Variants in FAM163A observed in about 807,000 individuals in gnomAD.
FAM163A encodes family with sequence similarity 163 member A.
Under a neutral mutation model 12.0 loss-of-function variants are expected in FAM163A, and 7 were observed. The ratio of observed to expected loss-of-function variants is 0.58; its 90% CI spans 0.33 to 1.10. The LOEUF (loss-of-function observed/expected upper bound fraction) is 1.10, where lower values mean the gene tolerates loss of function less well. Ranked by LOEUF, FAM163A falls within the 50% of genes least tolerant of loss-of-function variation. FAM163A has a pLI of 0.03. For missense variants in FAM163A, 202 were observed against 218.6 expected (o/e 0.92, Z 0.48); for synonymous variants, 101 against 91.0 (o/e 1.11, Z -0.62).
chr1:179,760,856 G>A (rs571636212), intron 1 of FAM163A, among the ~76,000 whole-genome samples: 6 of 152,226 alleles, frequency 3.9e-5, no homozygotes, highest in East Asian at 1.9e-4. Context: ...AAGGACCCCC[G>A]CAATCTGGCT....
intron 1 of FAM163A, among the ~76,000 whole-genome samples, chr1:179,744,178 G>A (rs75210102): frequency 0.021 from 3,235 of 152,284 alleles, 119 homozygotes; most frequent in African/African-American, 0.074. Context: ...GGACAGCGGG[G>A]GTAGGACGGA....
intron 1 of FAM163A, among the ~76,000 whole-genome samples, chr1:179,747,517 G>A (rs1478032580): frequency 1.3e-5 from 2 of 152,230 alleles, no homozygotes; most frequent in African/African-American, 2.4e-5. Context: ...ACACCATTAG[G>A]TGGAAAGCCT....
At chr1:179,807,548 C>A (rs1694117184) in intron 1 of FAM163A, among the ~76,000 whole-genome samples, 1 of 152,240 alleles carries the variant, frequency 6.6e-6, no homozygotes, top group African/African-American at 2.4e-5. Flanking sequence ...GCCCTGGGCA[C>A]AGGCTTCCAG....
chr1:179,743,634 T>C (rs1307077868), intron 1 of FAM163A, among the ~76,000 whole-genome samples: 1 of 152,054 alleles, frequency 6.6e-6, no homozygotes, highest in Non-Finnish European at 1.5e-5. Context: ...CCCCACTGGG[T>C]CTGGGTCTGC....
intron 1 of FAM163A, among the ~76,000 whole-genome samples, chr1:179,761,979 T>G (rs1325386180): frequency 6.6e-6 from 1 of 152,182 alleles, no homozygotes; most frequent in African/African-American, 2.4e-5. Context: ...GCTTGTGTTT[T>G]AACATCGTTT....
At chr1:179,810,902 G>A (rs1438417325) in intron 2 of FAM163A, among the ~76,000 whole-genome samples, 1 of 152,074 alleles carries the variant, frequency 6.6e-6, no homozygotes, top group African/African-American at 2.4e-5. Flanking sequence ...AATTAGCCCG[G>A]TGTGGGGTTG....
At chr1:179,734,491 C>T in the FAM163A span, among the ~76,000 whole-genome samples, 1 of 152,130 alleles carries the variant, frequency 6.6e-6, no homozygotes, top group African/African-American at 2.4e-5. Context: ...TATTTCTCAC[C>T]GTTCCATAAG....
chr1:179,748,257 A>G lies in FAM163A; in HGVS notation c.-136+4834A>G, dbSNP rs372978653. On this transcript the variant is annotated intron_variant, in intron 1 of 4. Coordinates refer to ENST00000341785, the MANE Select transcript of FAM163A (RefSeq NM_173509.3). ...AAAGGAAACAGCTCTAATTTTCCCC[A>G]AATAAATTCTGGAACGCACAAGGCA... 4.6e-5 allele frequency among the ~76,000 whole-genome samples: 7 copies of G among 152,164 alleles called. 1 individual carries two copies. The East Asian group carries it at 9.6e-4, about 21-fold the overall frequency.
chr1:179,755,820 TC>T (rs1040416271), intron 1 of FAM163A, among the ~76,000 whole-genome samples: 64 of 152,118 alleles, frequency 4.2e-4, no homozygotes, highest in African/African-American at 1.5e-3. Flanking sequence ...CTTAGCTGAG[TC>T]CTCATGGTGA....
At chr1:179,787,432 C>A (rs1018002680) in intron 1 of FAM163A, among the ~76,000 whole-genome samples, 1 of 152,168 alleles carries the variant, frequency 6.6e-6, no homozygotes, top group Non-Finnish European at 1.5e-5. Context: ...GCCCCTGCCC[C>A]GAAGGTTCCC....
chr1:179,752,488 A>T (rs1307650314), intron 1 of FAM163A, among the ~76,000 whole-genome samples: 1 of 152,084 alleles, frequency 6.6e-6, no homozygotes, highest in African/African-American at 2.4e-5. Flanking sequence ...AAAAAAAAAA[A>T]AAAAAATCAA....
At chr1:179,789,003 C>G (rs992980275) in intron 1 of FAM163A, among the ~76,000 whole-genome samples, 3 of 152,262 alleles carry the variant, frequency 2.0e-5, no homozygotes, top group Admixed American at 6.5e-5. Context: ...CCTCCACTCT[C>G]CAGCCCATGC....
intron 1 of FAM163A, among the ~76,000 whole-genome samples, chr1:179,746,306 A>G (rs750191098): frequency 6.6e-6 from 1 of 152,242 alleles, no homozygotes; most frequent in African/African-American, 2.4e-5. Context: ...ATATATGTAC[A>G]TTATAGCACT....
At chr1:179,772,265 C>T (rs1003856942) in intron 1 of FAM163A, among the ~76,000 whole-genome samples, 1 of 152,192 alleles carries the variant, frequency 6.6e-6, no homozygotes, top group Non-Finnish European at 1.5e-5. Context: ...GGTCCTGTCC[C>T]TGCTGTCCCA....
chr1:179,733,770 C>T, the FAM163A span, among the ~76,000 whole-genome samples: 3 of 152,136 alleles, frequency 2.0e-5, no homozygotes, highest in Admixed American at 6.5e-5. Context: ...AATTCACTCA[C>T]CAGAATGCAT....
intron 1 of FAM163A, among the ~76,000 whole-genome samples, chr1:179,782,161 C>G (rs569100281): frequency 1.3e-5 from 2 of 152,012 alleles, no homozygotes; most frequent in Non-Finnish European, 2.9e-5. Context: ...GTGAGCATGC[C>G]GGACAAGGAC....
At chr1:179,791,288 A>G (rs892147253) in intron 1 of FAM163A, among the ~76,000 whole-genome samples, 5 of 152,112 alleles carry the variant, frequency 3.3e-5, no homozygotes, top group Non-Finnish European at 7.4e-5. Flanking sequence ...AGGCCGTACC[A>G]CATCCTCCAT....
chr1:179,782,680 C>G (rs1040308796), intron 1 of FAM163A, among the ~76,000 whole-genome samples: 2 of 152,180 alleles, frequency 1.3e-5, no homozygotes, highest in African/African-American at 2.4e-5. Flanking sequence ...CAGGCACCTT[C>G]TTGGTTTGAG....
At position 179,783,959 on chromosome 1, in the gene FAM163A, G is replaced by A. The variant is rs183214274; in HGVS notation, c.-135-23839G>A. Among the ~76,000 whole-genome samples the A allele has an allele frequency of 3.0e-3, 454 of 151,820 alleles. 2 individuals are homozygous for A. Among genetic ancestry groups the A allele is most frequent in the Middle Eastern group, 0.014 (4 of 292 alleles). ...ACATTTTCCCGATTATACCTAGCTG[G>A]CTCAGAAATTTGTTCAAACACTGGC... On this transcript the variant is annotated intron_variant, in intron 1 of 4. Coordinates refer to ENST00000341785, the MANE Select transcript of FAM163A (RefSeq NM_173509.3).
Sources: gnomAD v4.1 joint callset for allele counts (sites outside exome capture counted in the v4.1 genomes callset) on GRCh38, gnomAD v4.1.1 for gene constraint, MANE v1.5 for transcripts, NCBI Gene and HGNC (gene_info 2026-07-23, HGNC 2026-07-21) for gene names.